The following FGF13 variants were observed in gnomAD, a reference collection of about 807,000 sequenced individuals.
FGF13 encodes the protein fibroblast growth factor homologous factor 2.
FGF13 carries 2 observed loss-of-function variants against 19.5 expected under a neutral mutation model. That is an observed-to-expected ratio of 0.10 (90% CI 0.04 to 0.32). FGF13 has a LOEUF of 0.32. Ranked by LOEUF, FGF13 falls within the 10% of genes least tolerant of loss-of-function variation. FGF13 has a pLI of 1.00. For missense variants in FGF13, 113 were observed against 192.7 expected (o/e 0.59, Z 2.45); for synonymous variants, 72 against 76.9 (o/e 0.94, Z 0.33).
chrX:138,828,929 G>T (rs2091053340), intron 3 of FGF13, among the ~76,000 whole-genome samples: 1 of 111,538 alleles, frequency 9.0e-6, no homozygotes, highest in South Asian at 3.8e-4. Context: ...GAAGTGATAA[G>T]AACTTAAATG....
rs139306748 is a variant in FGF13 at position 139,008,737 on chromosome X, T to C, written c.-112-144087A>G. Among the ~76,000 whole-genome samples the C allele has an allele frequency of 1.9e-4, 21 of 112,084 alleles. No individual in the cohort carries two copies. The East Asian group carries it at 6.0e-3, about 32-fold the overall frequency. The stretch of plus-strand genomic sequence containing the variant: ...TCCCAGATCTTCCCCTGACATAGTC[T>C]ACACAAATGAGAATGAACCAGAAAA... On this transcript the variant is annotated intron_variant, in intron 1 of 2. Coordinates refer to the FGF13 transcript ENST00000421460.
intron 3 of FGF13, among the ~76,000 whole-genome samples, chrX:138,663,243 A>G (rs1013382248): frequency 4.5e-5 from 5 of 111,870 alleles, no homozygotes; most frequent in Admixed American, 2.8e-4. Context: ...GTGAATATTG[A>G]AATGATTGTG....
At chrX:138,917,778 T>C (rs903743250) in intron 1 of FGF13, among the ~76,000 whole-genome samples, 1 of 111,669 alleles carries the variant, frequency 9.0e-6, no homozygotes, top group Non-Finnish European at 1.9e-5. Context: ...ACAGGCAACA[T>C]CTGGGGGTGT....
chrX:138,984,576 AAGAAGAAGAAGAAGGAGGAGG>A (rs1569436151), intron 1 of FGF13, among the ~76,000 whole-genome samples: 23 of 53,535 alleles, frequency 4.3e-4, no homozygotes, highest in African/African-American at 1.7e-3. Flanking sequence ...GAAGAAGAAG[AAGAAGAAGAAGAAGGAGGAGG>A]AGGAGGAGGA....
chrX:138,965,647 T>C (rs1411604692), intron 1 of FGF13, among the ~76,000 whole-genome samples: 2 of 110,948 alleles, frequency 1.8e-5, no homozygotes, highest in Non-Finnish European at 3.8e-5. Context: ...GGCTACACAA[T>C]TTGTGGGGCC....
At chrX:138,670,512 TG>T (rs1222280396) in intron 3 of FGF13, among the ~76,000 whole-genome samples, 1 of 112,004 alleles carries the variant, frequency 8.9e-6, no homozygotes, top group Non-Finnish European at 1.9e-5. Context: ...AACAATAATG[TG>T]GATGTACATT....
chrX:138,778,269 T>A (rs1165871582), intron 3 of FGF13, among the ~76,000 whole-genome samples: 1 of 104,220 alleles, frequency 9.6e-6, no homozygotes, highest in Non-Finnish European at 1.9e-5. Context: ...TATAATGAGA[T>A]ATTACCACAT....
At chrX:138,685,421 CTT>C (rs1464611028) in intron 3 of FGF13, among the ~76,000 whole-genome samples, 1 of 110,962 alleles carries the variant, frequency 9.0e-6, no homozygotes, top group Non-Finnish European at 1.9e-5. Context: ...TGAAATAACC[CTT>C]TCAGTGTGAC....
intron 1 of FGF13, among the ~76,000 whole-genome samples, chrX:139,101,346 T>C (rs1361738710): frequency 8.9e-6 from 1 of 112,646 alleles, no homozygotes; most frequent in African/African-American, 3.2e-5. Flanking sequence ...CAACAGCTAC[T>C]GAATAGTCTG....
At chrX:138,929,883 TG>T (rs2091693267) in intron 1 of FGF13, among the ~76,000 whole-genome samples, 1 of 108,815 alleles carries the variant, frequency 9.2e-6, no homozygotes, top group Admixed American at 9.9e-5. Context: ...TGTGTGTGTG[TG>T]TGTGTGTGTG....
At chrX:138,974,740 C>T (rs777723961) in intron 1 of FGF13, among the ~76,000 whole-genome samples, 6 of 112,608 alleles carry the variant, frequency 5.3e-5, no homozygotes, top group Non-Finnish European at 7.5e-5. Context: ...ATATTACATC[C>T]GTAGATACTT....
At chrX:138,786,947 C>G (rs966560269) in intron 3 of FGF13, among the ~76,000 whole-genome samples, 1 of 112,250 alleles carries the variant, frequency 8.9e-6, no homozygotes, top group African/African-American at 3.2e-5. Flanking sequence ...GGCATTTTCC[C>G]TTCTTTTTGG....
chrX:139,199,305 TC>T (rs1569463767), intron 1 of FGF13, among the ~76,000 whole-genome samples: 1 of 109,432 alleles, frequency 9.1e-6, no homozygotes, highest in Non-Finnish European at 1.9e-5. Context: ...ACATGGTTTT[TC>T]CCCCCTCCTT....
At chrX:138,643,657 T>G (rs778995390) in intron 3 of FGF13, among the ~76,000 whole-genome samples, 5 of 112,106 alleles carry the variant, frequency 4.5e-5, no homozygotes. Context: ...TGTGAACTGT[T>G]GTATATTTTA....
At chrX:138,863,832 C>G (rs2091302469) in intron 2 of FGF13, among the ~76,000 whole-genome samples, 1 of 112,305 alleles carries the variant, frequency 8.9e-6, no homozygotes, top group African/African-American at 3.2e-5. Flanking sequence ...TGACTTGATG[C>G]TTTCTGTGTA....
rs34372473 is a variant in FGF13 at position 139,158,211 on chromosome X, A to ATTT, written c.-113+45202_-113+45204dup. Among the ~76,000 whole-genome samples, 842 of 101,915 alleles carry ATTT rather than the reference A, an allele frequency of 8.3e-3. 15 individuals carry two copies. The highest frequency in any genetic ancestry group is 0.029 in the African/African-American group (811 of 27,587). The allele number at this position is 101,915 out of a possible 115,157, so 88.5% of individuals were successfully genotyped here. A position where few individuals can be genotyped will look rare whatever the true frequency, so the allele number is the denominator to read the frequency against. On this transcript the variant is annotated intron_variant, in intron 1 of 2. Coordinates refer to the FGF13 transcript ENST00000421460. ...GGGCAGACACCTAGCTAGCTGCAGC[A>ATTT]TTTTTTTTTTTTGATATCCCAGTGG...
chrX:138,827,975 G>A (rs778027051), intron 3 of FGF13, among the ~76,000 whole-genome samples: 10 of 111,374 alleles, frequency 9.0e-5, no homozygotes, highest in Non-Finnish European at 1.5e-4. Context: ...GTTCAGCTAC[G>A]AGTTCTTTGT....
rs1401004046 is a variant in FGF13 at position 138,696,248 on chromosome X, T to C, written c.402+6736A>G. Among the ~76,000 whole-genome samples the C allele has an allele frequency of 4.4e-4, 49 of 112,437 alleles. 1 individual carries two copies. Among genetic ancestry groups the C allele is most frequent in the Non-Finnish European group, 7.5e-5 (4 of 53,268 alleles). On this transcript the variant is annotated intron_variant, in intron 3 of 4. Transcript: ENST00000315930. The stretch of plus-strand genomic sequence containing the variant: ...AAGGAGACAGTCATAAAAGGCCATA[T>C]ATTGTATTCCTTTTGTATGAAATGT...
chrX:138,932,186 A>C (rs2091704824), intron 1 of FGF13, among the ~76,000 whole-genome samples: 1 of 112,103 alleles, frequency 8.9e-6, no homozygotes, highest in Admixed American at 9.4e-5. Context: ...ACGAAGATAA[A>C]AGGTGCAGAG....
Sources: allele counts gnomAD v4.1 joint callset (sites outside exome capture counted in the v4.1 genomes callset), GRCh38; gene constraint gnomAD v4.1.1; transcripts MANE v1.5; gene names NCBI Gene and HGNC (gene_info 2026-07-23, HGNC 2026-07-21).